The following ATP6V1E1 variants were observed in gnomAD, a reference collection of about 807,000 sequenced individuals.
ATP6V1E1 encodes the protein V-type proton ATPase subunit E 1.
Under a neutral mutation model 35.2 loss-of-function variants are expected in ATP6V1E1, and 21 were observed. The observed-to-expected ratio is 0.60, with a 90% CI of 0.42 to 0.86. The LOEUF is 0.86. Ranked by LOEUF, ATP6V1E1 falls within the 40% of genes least tolerant of loss-of-function variation. The probability of loss-of-function intolerance (pLI) is 0.00; values close to 1 mark genes in which losing one functional copy is unlikely to be tolerated. For missense variants in ATP6V1E1, 183 were observed against 272.6 expected, an observed-to-expected ratio of 0.67 and a Z score of 2.32; for synonymous variants, 83 against 87.8, an observed-to-expected ratio of 0.95 and a Z score of 0.30.
chr22:17,597,863 T>G, intron 7 of ATP6V1E1: 1 of 246,176 alleles, frequency 4.1e-6, no homozygotes, highest in Non-Finnish European at 8.0e-6. Flanking sequence ...TGATAGGGAG[T>G]CTAGCTCCCT....
At chr22:17,614,216 G>A (rs996448207) in intron 2 of ATP6V1E1, among the ~76,000 whole-genome samples, 2 of 151,864 alleles carry the variant, frequency 1.3e-5, no homozygotes, top group Non-Finnish European at 2.9e-5. Flanking sequence ...CAGGCGTGGC[G>A]GCGCATGCCT....
chr22:17,606,291 A>G, intron 4 of ATP6V1E1, among the ~76,000 whole-genome samples: 1 of 152,174 alleles, frequency 6.6e-6, no homozygotes, highest in East Asian at 1.9e-4. Context: ...TTCCTTTCAC[A>G]GCTTCTTATT....
intron 1 of ATP6V1E1, among the ~76,000 whole-genome samples, chr22:17,620,904 A>G (rs1285279623): frequency 2.6e-5 from 4 of 152,120 alleles, no homozygotes; most frequent in Non-Finnish European, 5.9e-5. Flanking sequence ...TCTACTAAAA[A>G]TACAAAAAAT....
chr22:17,604,067 A>T (rs1236877100), intron 4 of ATP6V1E1, among the ~76,000 whole-genome samples: 1 of 152,252 alleles, frequency 6.6e-6, no homozygotes, highest in Non-Finnish European at 1.5e-5. Context: ...AAATAAACTA[A>T]ACTCTAGCTA....
rs116724608 is a variant in ATP6V1E1, at chr22:17,618,158, A to G, written c.99+1303T>C. 3.6e-3 allele frequency among the ~76,000 whole-genome samples: 555 copies of G among 152,306 alleles called. 2 individuals carry two copies. The highest frequency in any genetic ancestry group is 0.013 in the African/African-American group (522 of 41,576). ...GCACAGATTAACAAAAAAGCTAAAC[A>G]ATGAAACACTACAACCTTCTCTAGT... is the stretch of plus-strand genomic sequence containing the variant. On this transcript the variant is annotated intron_variant, in intron 2 of 8. Transcript: ENST00000253413.
At chr22:17,594,261 AAG>A (rs1301110364) in intron 8 of ATP6V1E1, among the ~76,000 whole-genome samples, 9 of 152,188 alleles carry the variant, frequency 5.9e-5, no homozygotes, top group Non-Finnish European at 5.9e-5. Context: ...CTGTTAGAGA[AAG>A]AACTTGTCAG....
chr22:17,606,872 T>C (rs1165063757), intron 4 of ATP6V1E1, among the ~76,000 whole-genome samples: 7 of 152,234 alleles, frequency 4.6e-5, no homozygotes, highest in Admixed American at 4.6e-4. Context: ...TAGAGACCAT[T>C]TTGAGTTTGC....
intron 1 of ATP6V1E1, among the ~76,000 whole-genome samples, chr22:17,620,288 C>G (rs2057869119): frequency 6.6e-6 from 1 of 151,886 alleles, no homozygotes; most frequent in Non-Finnish European, 1.5e-5. Context: ...GCTGGGACTA[C>G]AGGCGCCCGC....
chr22:17,615,741 T>C (rs1179073235), intron 2 of ATP6V1E1, among the ~76,000 whole-genome samples: 3 of 151,940 alleles, frequency 2.0e-5, no homozygotes, highest in Non-Finnish European at 4.4e-5. Context: ...CTACTAAGAA[T>C]ACAAAAATTG....
intron 2 of ATP6V1E1, 126 bp from the exon 3 acceptor site, chr22:17,613,446 G>T: frequency 1.4e-6 from 1 of 719,330 alleles, no homozygotes. Context: ...AATTTATTGT[G>T]ATTCATTTTC....
intron 6 of ATP6V1E1, among the ~76,000 whole-genome samples, chr22:17,599,525 C>T (rs562291375): frequency 1.3e-4 from 18 of 136,644 alleles, no homozygotes; most frequent in African/African-American, 4.0e-4. Context: ...TGCAGTGAGC[C>T]GAGATCGCAC....
chr22:17,599,985 G>A (rs759935651), intron 6 of ATP6V1E1, 42 bp downstream of exon 6: 7 of 1,251,548 alleles, frequency 5.6e-6, no homozygotes, highest in Admixed American at 4.0e-5. Flanking sequence ...AAGAAAGGGA[G>A]GGGGGAGGGA....
intron 2 of ATP6V1E1, among the ~76,000 whole-genome samples, chr22:17,616,136 A>G (rs188104086): frequency 5.4e-4 from 81 of 150,410 alleles, no homozygotes; most frequent in Middle Eastern, 3.8e-3. Flanking sequence ...TCATGAGGTC[A>G]GGAGTTCCAC....
At position 17,628,727 on chromosome 22, in the gene ATP6V1E1, G is replaced by C. The variant is rs1490967324; in HGVS notation, c.-92C>G. The C allele has an allele frequency of 6.4e-7, 1 of 1,557,052 alleles. No individual in the cohort carries two copies. Among genetic ancestry groups the C allele is most frequent in the Non-Finnish European group, 8.9e-7 (1 of 1,129,060 alleles). ...AATCGGCAAAGGGAACCCCTGCGCA[G>C]ATCTCGGGTTCCTTTACTTTATAAC... On this transcript the variant is annotated 5_prime_UTR_variant, in exon 1 of 9. It adds an upstream start codon to the 5' untranslated region. Coordinates refer to ENST00000253413, the MANE Select transcript of ATP6V1E1 (RefSeq NM_001696.4).
upstream of ATP6V1E1, chr22:17,628,784 C>T: frequency 6.8e-6 from 7 of 1,032,958 alleles, no homozygotes; most frequent in South Asian, 9.4e-5. Flanking sequence ...GGTGACTGCA[C>T]AGTTCATCCT....
chr22:17,615,241 C>T (rs1046597113), intron 2 of ATP6V1E1, among the ~76,000 whole-genome samples: 22 of 151,820 alleles, frequency 1.4e-4, no homozygotes, highest in African/African-American at 5.3e-4. Context: ...GCAGAGATTA[C>T]AGTGAGCCGA....
chr22:17,612,021 T>C (rs185096428), intron 4 of ATP6V1E1, among the ~76,000 whole-genome samples: 1 of 152,354 alleles, frequency 6.6e-6, no homozygotes, highest in East Asian at 1.9e-4. Context: ...ATTGTTGGCA[T>C]ACAGGAAAAC....
In ATP6V1E1 at chr22:17,600,022, T is replaced by C; in HGVS notation, c.435+5A>G. Reference sequence around the variant, plus strand: ...GGAGGGAAAAAATTATCCTAAGTTCTTTACCTTTACCAGAGGGAAATCTTG... The same window carrying C: ...GGAGGGAAAAAATTATCCTAAGTTCCTTACCTTTACCAGAGGGAAATCTTG... On this transcript the variant is annotated splice_donor_5th_base_variant and intron_variant, in intron 6 of 8. Coordinates refer to ENST00000253413, the MANE Select transcript of ATP6V1E1 (RefSeq NM_001696.4). 1 of 1,611,922 alleles carries C rather than the reference T, an allele frequency of 6.2e-7. No individual in the cohort carries two copies. The highest frequency in any genetic ancestry group is 8.5e-7 in the Non-Finnish European group (1 of 1,178,244).
chr22:17,613,496 T>C (rs2057825541), intron 2 of ATP6V1E1, among the ~76,000 whole-genome samples, 176 bp from the exon 3 acceptor site: 1 of 152,188 alleles, frequency 6.6e-6, no homozygotes, highest in Admixed American at 6.6e-5. Flanking sequence ...TCAGCAATTT[T>C]CATTATAAAT....
Sources: allele counts gnomAD v4.1 joint callset (sites outside exome capture counted in the v4.1 genomes callset), GRCh38; gene constraint gnomAD v4.1.1; transcripts MANE v1.5; gene names NCBI Gene and HGNC (gene_info 2026-07-23, HGNC 2026-07-21).